The following SGCZ variants were observed in gnomAD, a reference collection of about 807,000 sequenced individuals.
The protein encoded by SGCZ is sarcoglycan zeta, also known as zeta-sarcoglycan.
Under a neutral mutation model 41.3 loss-of-function variants are expected in SGCZ, and 40 were observed. That is an observed-to-expected ratio of 0.97 (90% CI 0.75 to 1.26). The LOEUF is 1.26. Ranked by LOEUF, SGCZ falls within the 50% of genes most tolerant of loss-of-function variation. SGCZ has a pLI of 0.00. For missense variants in SGCZ, 552 were observed against 369.8 expected (o/e 1.49, Z -4.04); for synonymous variants, 206 against 137.5 (o/e 1.50, Z -3.49).
intron 1 of SGCZ, among the ~76,000 whole-genome samples, chr8:14,737,374 C>T (rs1428392941): frequency 2.6e-5 from 4 of 151,914 alleles, no homozygotes; most frequent in African/African-American, 9.7e-5. Context: ...GCTAATGTGA[C>T]CCATTTTTGA....
At chr8:14,603,628 T>G (rs965229490) in intron 1 of SGCZ, among the ~76,000 whole-genome samples, 1 of 152,214 alleles carries the variant, frequency 6.6e-6, no homozygotes, top group Non-Finnish European at 1.5e-5. Flanking sequence ...TAAGTTTATA[T>G]GGTGAGATAG....
chr8:15,076,418 T>G (rs933333168), intron 1 of SGCZ, among the ~76,000 whole-genome samples: 6 of 152,100 alleles, frequency 3.9e-5, no homozygotes, highest in Admixed American at 2.6e-4. Flanking sequence ...AGAAAGAGTT[T>G]GAGATTAATA....
intron 1 of SGCZ, among the ~76,000 whole-genome samples, chr8:15,151,595 C>A (rs1251654656): frequency 6.6e-6 from 1 of 152,104 alleles, no homozygotes; most frequent in Admixed American, 6.5e-5. Context: ...TACATTTTCA[C>A]AAAGAATGCA....
intron 1 of SGCZ, among the ~76,000 whole-genome samples, chr8:14,907,293 C>G (rs377198243): frequency 6.6e-6 from 1 of 152,050 alleles, no homozygotes; most frequent in African/African-American, 2.4e-5. Flanking sequence ...CTTATGGCCT[C>G]AAGGGATCCT....
chr8:14,843,245 A>G (rs1432730228), intron 1 of SGCZ, among the ~76,000 whole-genome samples: 2 of 152,138 alleles, frequency 1.3e-5, no homozygotes, highest in East Asian at 3.9e-4. Flanking sequence ...GTTTCTATGT[A>G]CATAGATATT....
chr8:14,433,350 G>A lies in SGCZ; in HGVS notation c.235-109146C>T, dbSNP rs142196729. Reference sequence around the variant, plus strand: ...TCTGTGCTAGATATTAGTGATATACGGATAATTAAGATACTTTGCCTTTCA... The same window carrying A: ...TCTGTGCTAGATATTAGTGATATACAGATAATTAAGATACTTTGCCTTTCA... On this transcript the variant is annotated intron_variant, in intron 2 of 7. Transcript: ENST00000382080. 3.7e-4 allele frequency among the ~76,000 whole-genome samples: 57 copies of A among 152,200 alleles called. No individual in the cohort carries two copies. The East Asian group carries it at 9.3e-3, about 25-fold the overall frequency.
At chr8:14,104,159 G>C (rs1214523790) in intron 6 of SGCZ, among the ~76,000 whole-genome samples, 1 of 152,122 alleles carries the variant, frequency 6.6e-6, no homozygotes, top group Non-Finnish European at 1.5e-5. Flanking sequence ...AAGTTTATTG[G>C]TACTACTTGT....
At chr8:15,148,052 C>A (rs941185831) in intron 1 of SGCZ, among the ~76,000 whole-genome samples, 1 of 139,412 alleles carries the variant, frequency 7.2e-6, no homozygotes, top group African/African-American at 3.3e-5. Context: ...CTCAGAAGGG[C>A]TCTCAAGGAC....
intron 1 of SGCZ, among the ~76,000 whole-genome samples, chr8:14,618,969 A>T (rs995922120): frequency 6.6e-6 from 1 of 152,128 alleles, no homozygotes; most frequent in African/African-American, 2.4e-5. Context: ...AAATCGAAGA[A>T]ATCTAGTTTT....
chr8:14,814,101 G>T (rs967083199), intron 1 of SGCZ, among the ~76,000 whole-genome samples: 1 of 152,072 alleles, frequency 6.6e-6, no homozygotes, highest in Non-Finnish European at 1.5e-5. Context: ...ACTTAAAACA[G>T]TTATATTAAG....
intron 1 of SGCZ, among the ~76,000 whole-genome samples, chr8:15,069,582 A>G (rs1332250951): frequency 6.6e-6 from 1 of 152,146 alleles, no homozygotes; most frequent in Non-Finnish European, 1.5e-5. Context: ...CCATTTCTGA[A>G]TTCCCCACTT....
intron 2 of SGCZ, among the ~76,000 whole-genome samples, chr8:14,411,122 T>A (rs897603231): frequency 6.6e-6 from 1 of 152,224 alleles, no homozygotes; most frequent in Middle Eastern, 3.4e-3. Context: ...CGCCAACCAA[T>A]GCGTTTTGTT....
At chr8:14,744,042 G>T (rs1799274460) in intron 1 of SGCZ, among the ~76,000 whole-genome samples, 1 of 152,078 alleles carries the variant, frequency 6.6e-6, no homozygotes, top group Admixed American at 6.6e-5. Context: ...TGAGCCCACA[G>T]TTACAGGCTG....
rs572936002 is a variant in SGCZ at position 14,113,375 on chromosome 8, T to C, written c.548-5140A>G. ...GTACTTGTCTTTAAACTACCATATC[T>C]ATTCTTACATTTTATATTTTTAATT... On this transcript the variant is annotated intron_variant, in intron 5 of 7. Coordinates refer to ENST00000382080, the MANE Select transcript of SGCZ (RefSeq NM_139167.4). Among the ~76,000 whole-genome samples, 5 of 152,240 alleles carry C rather than the reference T, an allele frequency of 3.3e-5. No individual in the cohort carries two copies. The South Asian group carries it at 1.0e-3, about 32-fold the overall frequency.
chr8:14,264,447 C>G (rs1799801070), intron 3 of SGCZ, among the ~76,000 whole-genome samples: 2 of 152,228 alleles, frequency 1.3e-5, no homozygotes, highest in East Asian at 3.9e-4. Context: ...GACCCACATG[C>G]CAGATTTCCC....
intron 2 of SGCZ, among the ~76,000 whole-genome samples, chr8:14,447,242 A>C (rs1388690184): frequency 6.6e-6 from 1 of 152,194 alleles, no homozygotes; most frequent in Non-Finnish European, 1.5e-5. Flanking sequence ...TATCAAGTAA[A>C]GAAGTCATCA....
chr8:14,367,034 G>A (rs117317667), intron 2 of SGCZ, among the ~76,000 whole-genome samples: 2 of 152,002 alleles, frequency 1.3e-5, no homozygotes, highest in African/African-American at 4.8e-5. Flanking sequence ...GCATTGTCAG[G>A]CTGCATATTT....
At chr8:15,192,287 C>T (rs926835884) in intron 1 of SGCZ, among the ~76,000 whole-genome samples, 6 of 152,026 alleles carry the variant, frequency 3.9e-5, no homozygotes, top group African/African-American at 7.3e-5. Context: ...GCTTTAGCTA[C>T]TTCGGAACAT....
chr8:14,350,562 C>T (rs1031903968), intron 2 of SGCZ, among the ~76,000 whole-genome samples: 1 of 151,890 alleles, frequency 6.6e-6, no homozygotes, highest in Admixed American at 6.6e-5. Flanking sequence ...GAGTGTGCAC[C>T]CAGTGACCGG....
Sources: allele counts gnomAD v4.1 joint callset (sites outside exome capture counted in the v4.1 genomes callset), GRCh38; gene constraint gnomAD v4.1.1; transcripts MANE v1.5; gene names NCBI Gene and HGNC (gene_info 2026-07-23, HGNC 2026-07-21).